The following ZNF727 variants were observed in gnomAD, a reference collection of about 807,000 sequenced individuals.
ZNF727 encodes zinc finger protein 727.
A neutral mutation model predicts 11.5 loss-of-function variants in ZNF727; 11 were observed. The ratio of observed to expected loss-of-function variants is 0.95; its 90% confidence interval spans 0.60 to 1.58. The LOEUF (loss-of-function observed/expected upper bound fraction) is 1.58, where lower values mean the gene tolerates loss of function less well. Among genes scored for constraint, ZNF727 ranks in the 40% most tolerant of loss-of-function variants. The probability of loss-of-function intolerance (pLI) is 0.00; values close to 1 mark genes in which losing one functional copy is unlikely to be tolerated. For missense variants in ZNF727, 533 were observed against 581.7 expected, an observed-to-expected ratio of 0.92 and a Z score of 0.86; for synonymous variants, 171 against 196.1, an observed-to-expected ratio of 0.87 and a Z score of 1.07.
intron 1 of ZNF727, among the ~76,000 whole-genome samples, chr7:64,056,310 T>C (rs1371650721): frequency 6.6e-6 from 1 of 152,182 alleles, no homozygotes; most frequent in Non-Finnish European, 1.5e-5. Context: ...CAGGCACTAT[T>C]CTAAGAAGTG....
rs575009323 is a variant in ZNF727, at chr7:64,084,878, C to T, written c.*6329C>T. Among the ~76,000 whole-genome samples the T allele has an allele frequency of 6.6e-6, 1 of 152,192 alleles. No individual in the cohort carries two copies. The highest frequency in any genetic ancestry group is 6.5e-5 in the Admixed American group (1 of 15,274). ...AGAAAAGAAAAATATTAGAGTGAAA[C>T]AGATAATTTTACATGTGTTGATATC... On this transcript the variant is annotated 3_prime_UTR_variant, in exon 4 of 4. Transcript: ENST00000456806.
In ZNF727 at chr7:64,045,635, G is replaced by A; in HGVS notation, c.3+11G>A. On this transcript the variant is annotated intron_variant, in intron 1 of 3. Coordinates refer to ENST00000456806, the MANE Select transcript of ZNF727 (RefSeq NM_001159522.3). ...GGAGGCTGGGAAATGGTGAGTGCGC[G>A]GAGTGGGTGTCCCGAGAAGGGGGAA... is the stretch of plus-strand genomic sequence containing the variant. 3.2e-6 allele frequency: 5 copies of A among 1,559,460 alleles called. No individual in the cohort carries two copies. Among genetic ancestry groups the A allele is most frequent in the Non-Finnish European group, 4.3e-6 (5 of 1,151,356 alleles).
chr7:64,050,991 G>A (rs1008494116), intron 1 of ZNF727, among the ~76,000 whole-genome samples: 2 of 151,834 alleles, frequency 1.3e-5, no homozygotes, highest in Non-Finnish European at 2.9e-5. Flanking sequence ...GTTTATTGGA[G>A]GTATAGAGTG....
chr7:64,080,305 T>C lies in ZNF727; in HGVS notation c.*1756T>C, dbSNP rs1785766459. The stretch of plus-strand genomic sequence containing the variant: ...GCACTCTCTTTAATTATAGATTTGG[T>C]TTATTTACATAATCTGTTATTTCTT... On this transcript the variant is annotated 3_prime_UTR_variant, in exon 4 of 4. Transcript: ENST00000456806. Among the ~76,000 whole-genome samples, 1 of 152,186 alleles carries C rather than the reference T, an allele frequency of 6.6e-6. No homozygotes were observed. The highest frequency in any genetic ancestry group is 6.5e-5 in the Admixed American group (1 of 15,278).
intron 1 of ZNF727, among the ~76,000 whole-genome samples, chr7:64,049,977 A>G (rs1456841893): frequency 1.3e-5 from 2 of 151,712 alleles, no homozygotes; most frequent in Non-Finnish European, 1.5e-5. Flanking sequence ...AGACTAATAC[A>G]CTCATCTGAA....
At chr7:64,070,724 A>C (rs1475390067) in intron 3 of ZNF727, among the ~76,000 whole-genome samples, 1 of 152,054 alleles carries the variant, frequency 6.6e-6, no homozygotes, top group African/African-American at 2.4e-5. Context: ...TTAGGTTACC[A>C]TAACTTATGT....
chr7:64,055,482 C>T (rs1175224774), intron 1 of ZNF727, among the ~76,000 whole-genome samples: 1 of 152,052 alleles, frequency 6.6e-6, no homozygotes, highest in Non-Finnish European at 1.5e-5. Flanking sequence ...CCATAACCAC[C>T]ATTGATGTTC....
rs1176887652 is a variant in ZNF727 at position 64,077,705 on chromosome 7, A to G, written c.656A>G (p.Asn219Ser). Residue 219 changes from asparagine to serine, a missense_variant, in exon 4 of 4, where the codon AAT becomes AGT. Coordinates refer to ENST00000456806, the MANE Select transcript of ZNF727 (RefSeq NM_001159522.3). ...CKKFSNLTEH[N>S]RVHTGKKPYK... ...AAGTTCTCAAACCTTACTGAACATA[A>G]TAGAGTTCATACTGGAAAGAAACCC... is the stretch of plus-strand genomic sequence containing the variant. 1.3e-6 allele frequency: 2 copies of G among 1,576,630 alleles called. No individual in the cohort carries two copies. Among genetic ancestry groups the G allele is most frequent in the Admixed American group, 1.9e-5 (1 of 54,052 alleles).
intron 1 of ZNF727, among the ~76,000 whole-genome samples, chr7:64,049,845 T>C (rs890676228): frequency 9.9e-5 from 15 of 151,502 alleles, no homozygotes; most frequent in Non-Finnish European, 1.8e-4. Flanking sequence ...TCCATAAAGA[T>C]TTGAGAAACT....
chr7:64,078,652 C>A lies in ZNF727; in HGVS notation c.*103C>A. 7.3e-7 allele frequency: 1 copy of A among 1,364,120 alleles called. No individual in the cohort carries two copies. Among genetic ancestry groups the A allele is most frequent in the South Asian group, 1.2e-5 (1 of 83,220 alleles). 84.5% of individuals were successfully genotyped at this position (1,364,120 alleles called of 1,614,324 possible). A position where few individuals can be genotyped will look rare whatever the true frequency, so the allele number is the denominator to read the frequency against. ...AAGAGAATTCATACTGGAGAGAAAC[C>A]CTACATTTGTGAAGAATGTGGCAAA... On this transcript the variant is annotated 3_prime_UTR_variant, in exon 4 of 4. Transcript: ENST00000456806.
intron 1 of ZNF727, among the ~76,000 whole-genome samples, chr7:64,055,956 C>T (rs1439500741): frequency 1.3e-5 from 2 of 151,946 alleles, no homozygotes; most frequent in Non-Finnish European, 2.9e-5. Context: ...AAGAAATGTC[C>T]ACATTGTTTT....
intron 1 of ZNF727, among the ~76,000 whole-genome samples, chr7:64,049,200 A>C (rs1287803221): frequency 1.3e-5 from 2 of 152,142 alleles, no homozygotes; most frequent in African/African-American, 2.4e-5. Flanking sequence ...AGTCTCAGTC[A>C]GCTGACCATA....
chr7:64,074,835 T>A (rs1484037697), intron 3 of ZNF727, among the ~76,000 whole-genome samples: 1 of 152,150 alleles, frequency 6.6e-6, no homozygotes. Context: ...ACTAATACCA[T>A]AGGACACTGT....
intron 1 of ZNF727, among the ~76,000 whole-genome samples, chr7:64,045,937 G>T (rs747117267): frequency 6.6e-6 from 1 of 152,236 alleles, no homozygotes; most frequent in Non-Finnish European, 1.5e-5. Flanking sequence ...CTCATTCAGG[G>T]TCTGGAGTTC....
At chr7:64,072,114 G>A (rs755532983) in intron 3 of ZNF727, among the ~76,000 whole-genome samples, 16 of 151,908 alleles carry the variant, frequency 1.1e-4, no homozygotes, top group African/African-American at 2.7e-4. Flanking sequence ...CTATTACTTC[G>A]AAAAATTGTA....
At chr7:64,067,739 G>A (rs1276039854) in intron 1 of ZNF727, among the ~76,000 whole-genome samples, 4 of 152,018 alleles carry the variant, frequency 2.6e-5, no homozygotes, top group Admixed American at 2.0e-4. Context: ...ACCTGTCAGG[G>A]GATTGGGGGC....
intron 1 of ZNF727, among the ~76,000 whole-genome samples, chr7:64,062,873 C>T (rs532971452): frequency 1.9e-4 from 29 of 150,134 alleles, no homozygotes; most frequent in African/African-American, 6.6e-4. Context: ...CTTTCTTCTG[C>T]TTGATCAGTT....
chr7:64,060,734 A>T (rs1212483085), intron 1 of ZNF727, among the ~76,000 whole-genome samples: 2 of 150,984 alleles, frequency 1.3e-5, no homozygotes, highest in African/African-American at 2.4e-5. Context: ...TTTTCTTCTA[A>T]TTTTGGGTTT....
intron 3 of ZNF727, among the ~76,000 whole-genome samples, chr7:64,076,773 T>C (rs1011029927): frequency 6.6e-6 from 1 of 152,214 alleles, no homozygotes; most frequent in Non-Finnish European, 1.5e-5. Flanking sequence ...AGTCACTTGC[T>C]ATACCCATTC....
Sources: gnomAD v4.1 joint callset for allele counts (sites outside exome capture counted in the v4.1 genomes callset) on GRCh38, gnomAD v4.1.1 for gene constraint, MANE v1.5 for transcripts, NCBI Gene and HGNC (gene_info 2026-07-23, HGNC 2026-07-21) for gene names.